FRMPD4: variants seen among roughly 807,000 people sequenced by gnomAD.
FRMPD4 encodes the protein FERM and PDZ domain containing 4, also known as FERM and PDZ domain-containing protein 4.
FRMPD4 carries 22 observed loss-of-function variants against 94.1 expected under a neutral mutation model. The ratio of observed to expected loss-of-function variants is 0.23; its 90% CI spans 0.17 to 0.33. The LOEUF (loss-of-function observed/expected upper bound fraction) is 0.33. FRMPD4 is among the 10% of genes least tolerant of loss of function. FRMPD4 has a pLI of 1.00. For synonymous variants in FRMPD4, 631 were observed against 548.6 expected, an observed-to-expected ratio of 1.15 and a Z score of -2.10; for missense variants, 1,111 against 1,339.9, an observed-to-expected ratio of 0.83 and a Z score of 2.67.
In FRMPD4 at chrX:12,706,801, C is replaced by T. The variant is rs753108803; in HGVS notation, c.1198-25C>T. 7 of 862,490 alleles carry T rather than the reference C, an allele frequency of 8.1e-6. No homozygotes were observed. In the South Asian group the frequency reaches 1.3e-4, roughly 17 times the overall value. 71.1% of individuals were successfully genotyped at this position (862,490 alleles called of 1,213,427 possible). Reference sequence around the variant, plus strand: ...GGAGTCATACCCAATAGAGTTAACACCTGAGGTTTCTTTTCTCTCCTCAGC... The same window carrying T: ...GGAGTCATACCCAATAGAGTTAACATCTGAGGTTTCTTTTCTCTCCTCAGC... On this transcript the variant is annotated intron_variant, in intron 11 of 16. Coordinates refer to ENST00000675598, the MANE Select transcript of FRMPD4 (RefSeq NM_001368397.1).
intron 2 of FRMPD4, among the ~76,000 whole-genome samples, chrX:12,588,776 A>G (rs756052134): frequency 8.9e-6 from 1 of 112,809 alleles, no homozygotes; most frequent in Non-Finnish European, 1.9e-5. Context: ...GCTTATCAGT[A>G]TATTTCAAAT....
intron 3 of FRMPD4, among the ~76,000 whole-genome samples, chrX:12,062,739 T>C (rs2147462068): frequency 8.9e-6 from 1 of 111,811 alleles, no homozygotes; most frequent in South Asian, 3.8e-4. Flanking sequence ...TTCTAACTGG[T>C]TATTGGTGGT....
chrX:12,471,298 C>T (rs762242101), intron 1 of FRMPD4, among the ~76,000 whole-genome samples: 3 of 111,998 alleles, frequency 2.7e-5, no homozygotes, highest in Non-Finnish European at 5.6e-5. Context: ...AGGAAAGAGG[C>T]TCAAAAATTA....
intron 2 of FRMPD4, among the ~76,000 whole-genome samples, chrX:12,555,365 A>T (rs2058584681): frequency 9.0e-6 from 1 of 111,655 alleles, no homozygotes; most frequent in Admixed American, 9.6e-5. Flanking sequence ...ATGCTCTTAT[A>T]GCTGTCAAGA....
chrX:12,022,635 G>C (rs748011595), intron 3 of FRMPD4, among the ~76,000 whole-genome samples: 1 of 111,208 alleles, frequency 9.0e-6, no homozygotes, highest in East Asian at 2.8e-4. Flanking sequence ...ATCTCTCTTC[G>C]GATGCAGGCT....
chrX:11,918,434 G>A lies in FRMPD4; in HGVS notation c.95+40416G>A, dbSNP rs190733541. 1.7e-3 allele frequency among the ~76,000 whole-genome samples: 188 copies of A among 110,782 alleles called. 4 individuals carry two copies. The highest frequency in any genetic ancestry group is 1.1e-3 in the Non-Finnish European group (57 of 52,762). On this transcript the variant is annotated intron_variant, in intron 3 of 18. Transcript: ENST00000640291. Reference sequence around the variant, plus strand: ...AGCCTGGCCAACATGGTGAAACCCCGTCTCTACTAAAAATACAAAATTAGC... The same window carrying A: ...AGCCTGGCCAACATGGTGAAACCCCATCTCTACTAAAAATACAAAATTAGC...
chrX:12,198,438 C>T (rs780464317), intron 1 of FRMPD4, among the ~76,000 whole-genome samples: 2 of 111,895 alleles, frequency 1.8e-5, no homozygotes, highest in Non-Finnish European at 3.8e-5. Context: ...TGTGAGTTCT[C>T]ACAACCCCAC....
intron 4 of FRMPD4, among the ~76,000 whole-genome samples, chrX:12,662,537 T>A (rs188798035): frequency 1.2e-3 from 134 of 112,457 alleles, no homozygotes; most frequent in Middle Eastern, 4.6e-3. Flanking sequence ...GAACTCATCC[T>A]TTTTTATGGC....
intron 1 of FRMPD4, among the ~76,000 whole-genome samples, chrX:12,233,554 A>G (rs2057036452): frequency 8.9e-6 from 1 of 111,779 alleles, no homozygotes; most frequent in Admixed American, 9.5e-5. Context: ...TGTTCTTTCA[A>G]AAAGCATTGA....
At chrX:12,351,045 G>A (rs762007570) in intron 1 of FRMPD4, among the ~76,000 whole-genome samples, 26 of 110,422 alleles carry the variant, frequency 2.4e-4, no homozygotes, top group East Asian at 5.7e-4. Flanking sequence ...GTGGTGGCGC[G>A]TGCCTGTAAT....
intron 1 of FRMPD4, among the ~76,000 whole-genome samples, chrX:12,293,195 G>C (rs974347077): frequency 6.2e-5 from 7 of 112,197 alleles, no homozygotes; most frequent in African/African-American, 2.3e-4. Context: ...GAGGCTGGGT[G>C]AAAGAATGCT....
At chrX:12,189,801 T>G (rs1325679850) in intron 1 of FRMPD4, among the ~76,000 whole-genome samples, 1 of 111,397 alleles carries the variant, frequency 9.0e-6, no homozygotes, top group African/African-American at 3.3e-5. Context: ...CTCAAAACTT[T>G]CTTACTAAGA....
At chrX:12,568,640 T>A (rs2058734728) in intron 2 of FRMPD4, among the ~76,000 whole-genome samples, 1 of 111,831 alleles carries the variant, frequency 8.9e-6, no homozygotes, top group Admixed American at 9.5e-5. Flanking sequence ...GGGCCTGGGG[T>A]TTGGGGTACT....
At chrX:12,182,581 T>TAAATAAATAAATAAATAAATAA (rs199773710) in intron 1 of FRMPD4, among the ~76,000 whole-genome samples, 4 of 94,961 alleles carry the variant, frequency 4.2e-5, no homozygotes, top group African/African-American at 1.5e-4. Flanking sequence ...TAAATAAATA[T>TAAATAAATAAATAAATAAATAA]ATATATATAT....
intron 3 of FRMPD4, among the ~76,000 whole-genome samples, chrX:12,086,112 TGA>T (rs1223769469): frequency 1.8e-5 from 2 of 109,613 alleles, no homozygotes; most frequent in African/African-American, 6.7e-5. Flanking sequence ...TGTGTGTGTG[TGA>T]ATGCTTTTGG....
intron 1 of FRMPD4, among the ~76,000 whole-genome samples, chrX:12,419,679 T>C (rs1336194468): frequency 1.8e-5 from 2 of 111,284 alleles, no homozygotes; most frequent in African/African-American, 6.5e-5. Context: ...ATCAGTTCAC[T>C]GAACCTATTT....
intron 3 of FRMPD4, among the ~76,000 whole-genome samples, chrX:11,906,827 A>G (rs898868681): frequency 1.8e-5 from 2 of 110,762 alleles, no homozygotes. Flanking sequence ...TTCTTCTTCT[A>G]GCACTCCCAT....
At chrX:12,161,746 T>A (rs2056029079) in intron 1 of FRMPD4, among the ~76,000 whole-genome samples, 1 of 112,099 alleles carries the variant, frequency 8.9e-6, no homozygotes, top group Non-Finnish European at 1.9e-5. Context: ...CATTTTAAAA[T>A]AATAATGCCA....
chrX:12,529,526 C>A (rs1220852686), intron 2 of FRMPD4, among the ~76,000 whole-genome samples: 1 of 112,217 alleles, frequency 8.9e-6, no homozygotes, highest in Non-Finnish European at 1.9e-5. Flanking sequence ...CTAGCAGATG[C>A]ATAATTATTT....
Sources: gnomAD v4.1 joint callset for allele counts (sites outside exome capture counted in the v4.1 genomes callset) on GRCh38, gnomAD v4.1.1 for gene constraint, MANE v1.5 for transcripts, NCBI Gene and HGNC (gene_info 2026-07-23, HGNC 2026-07-21) for gene names.